The following CHD2 variants were observed in gnomAD, a reference collection of about 807,000 sequenced individuals.
The protein encoded by CHD2 is ATP-dependent chromatin remodeler CHD2.
Under a neutral mutation model 243.9 loss-of-function variants are expected in CHD2, and 28 were observed. The observed-to-expected ratio is 0.11, with a 90% confidence interval of 0.09 to 0.16. The LOEUF (loss-of-function observed/expected upper bound fraction) is 0.16. Among genes scored for constraint, CHD2 ranks in the 10% least tolerant of loss-of-function variants. The pLI is 1.00. For missense variants in CHD2, 1,386 were observed against 2,209.8 expected, an observed-to-expected ratio of 0.63 and a Z score of 7.47; for synonymous variants, 775 against 779.0, an observed-to-expected ratio of 0.99 and a Z score of 0.09.
chr15:92,904,716 T>TA, intron 2 of CHD2: 1 of 1,399,268 alleles, frequency 7.1e-7, no homozygotes, highest in Non-Finnish European at 9.2e-7. Context: ...TTGGAAATCT[T>TA]AAAATAGAAA....
At chr15:92,918,848 T>C (rs1283801444) in intron 2 of CHD2, among the ~76,000 whole-genome samples, 1 of 151,284 alleles carries the variant, frequency 6.6e-6, no homozygotes, top group Non-Finnish European at 1.5e-5. Context: ...CACACATATA[T>C]ATACATACAT....
chr15:92,979,337 T>C lies in CHD2; in HGVS notation c.2876+54T>C, dbSNP rs1296336650. ...CAGAATCAAATTGATTCTACATCAC[T>C]GTTGGATATAATAGGATTTTCTACC... On this transcript the variant is annotated intron_variant, in intron 22 of 38. Transcript: ENST00000394196. The C allele has an allele frequency of 2.5e-6, 4 of 1,585,778 alleles. No individual in the cohort carries two copies. The African/African-American group carries it at 4.0e-5, about 16-fold the overall frequency.
rs2054213458 is a variant in CHD2, at chr15:92,998,644, G to T, written c.4008+23G>T. 6.2e-7 allele frequency: 1 copy of T among 1,607,854 alleles called. No homozygotes were observed. Among genetic ancestry groups the T allele is most frequent in the Middle Eastern group, 2.2e-4 (1 of 4,502 alleles). On this transcript the variant is annotated intron_variant, in intron 31 of 38. Transcript: ENST00000394196. The surrounding 1 kb of genome is among the most constrained non-coding windows in gnomAD (Gnocchi z 5.1). ...GAGGTGAGTACGCTGCCAGCTGGTTGTTTTTCAGGGGCCTGAGGCTCCTAC... is the reference window on the plus strand; with the variant it reads ...GAGGTGAGTACGCTGCCAGCTGGTTTTTTTTCAGGGGCCTGAGGCTCCTAC...
intron 35 of CHD2, among the ~76,000 whole-genome samples, chr15:93,009,872 C>T (rs2054368426): frequency 6.6e-6 from 1 of 152,120 alleles, no homozygotes; most frequent in African/African-American, 2.4e-5. Flanking sequence ...TTTATATAGC[C>T]ACTGAAACTT....
At chr15:92,975,774 A>G (rs1391570349) in intron 20 of CHD2, among the ~76,000 whole-genome samples, 2 of 152,024 alleles carry the variant, frequency 1.3e-5, no homozygotes, top group Non-Finnish European at 2.9e-5. Flanking sequence ...CTGCCTTTAG[A>G]GTGTAGAAAT....
chr15:92,929,145 A>G (rs2053118705), intron 5 of CHD2, 54 bp downstream of exon 5: 1 of 1,523,356 alleles, frequency 6.6e-7, no homozygotes, highest in African/African-American at 1.4e-5. Context: ...ACTTGTCAGC[A>G]TTTCTAGGAC....
At chr15:92,924,595 G>A (rs1301391670) in intron 3 of CHD2, 43 bp downstream of exon 3, 8 of 1,531,794 alleles carry the variant, frequency 5.2e-6, no homozygotes, top group Non-Finnish European at 7.2e-6. Context: ...GCTAGCCTAG[G>A]ACAAGCTAGC....
chr15:92,926,544 T>A (rs1023225316), intron 3 of CHD2, among the ~76,000 whole-genome samples: 10 of 152,230 alleles, frequency 6.6e-5, no homozygotes, highest in Non-Finnish European at 1.5e-4. Context: ...TGAAAATGAT[T>A]TTTCTCCTCA....
intron 9 of CHD2, chr15:92,943,343 A>G (rs544336293): frequency 2.3e-5 from 9 of 387,284 alleles, no homozygotes; most frequent in Admixed American, 8.5e-5. Flanking sequence ...TTGTACTGTT[A>G]TTACCCATTT....
intron 13 of CHD2, among the ~76,000 whole-genome samples, chr15:92,951,803 T>C (rs2053557843): frequency 6.6e-6 from 1 of 152,240 alleles, no homozygotes; most frequent in Non-Finnish European, 1.5e-5. Context: ...TATAGGGGTA[T>C]GGCTTCATCA....
At chr15:92,903,894 G>A (rs2052567644) in intron 2 of CHD2, among the ~76,000 whole-genome samples, 1 of 152,124 alleles carries the variant, frequency 6.6e-6, no homozygotes, top group Admixed American at 6.5e-5. Context: ...AATTTTCAGG[G>A]GCGCTTTACC....
chr15:92,911,163 TGAGA>T (rs2052727367), intron 2 of CHD2, among the ~76,000 whole-genome samples: 1 of 152,214 alleles, frequency 6.6e-6, no homozygotes, highest in East Asian at 1.9e-4. Context: ...GAAATGATTG[TGAGA>T]GATTGTTTCA....
chr15:92,949,616 T>TGG (rs199671818), intron 13 of CHD2, among the ~76,000 whole-genome samples: 1 of 152,036 alleles, frequency 6.6e-6, no homozygotes, highest in Non-Finnish European at 1.5e-5. Context: ...ACGTTAATCT[T>TGG]GGGGGGGTGA....
intron 9 of CHD2, chr15:92,943,432 C>T (rs965417415): frequency 7.7e-6 from 2 of 259,360 alleles, no homozygotes; most frequent in South Asian, 8.7e-5. Flanking sequence ...GAATCCAGAG[C>T]TTATTCTCTT....
chr15:92,934,760 A>G (rs1200504837), intron 5 of CHD2, among the ~76,000 whole-genome samples: 1 of 152,236 alleles, frequency 6.6e-6, no homozygotes, highest in Non-Finnish European at 1.5e-5. Flanking sequence ...TTGAAAATGA[A>G]AAGAAAACGT....
chr15:92,989,877 C>G (rs17610452), intron 26 of CHD2, among the ~76,000 whole-genome samples: 1 of 152,112 alleles, frequency 6.6e-6, no homozygotes, highest in Non-Finnish European at 1.5e-5. Flanking sequence ...CAGGAGCGTG[C>G]GGAAGGACCC....
intron 4 of CHD2, 103 bp from the exon 5 acceptor site, chr15:92,928,927 G>A: frequency 9.5e-7 from 1 of 1,049,214 alleles, no homozygotes. Context: ...AGCTCATATT[G>A]AATAATGGTA....
At chr15:92,917,754 A>G (rs1436264734) in intron 2 of CHD2, among the ~76,000 whole-genome samples, 2 of 152,216 alleles carry the variant, frequency 1.3e-5, no homozygotes, top group Admixed American at 6.5e-5. Flanking sequence ...TGTGGATTGC[A>G]TAATTCAGAC....
Position 92,992,949 on chromosome 15 carries a change from G to T in CHD2, c.3546G>T (p.Val1182=). 2 of 1,614,120 alleles carry T rather than the reference G, an allele frequency of 1.2e-6. No homozygotes were observed. Among genetic ancestry groups the T allele is most frequent in the Non-Finnish European group, 1.7e-6 (2 of 1,180,024 alleles). The part of the protein sequence containing the change: ...RLGELIHNSC[V]SAMQEYEEQL... ...GTGAACTGATCCACAACAGCTGTGT[G>T]TCAGCAATGCAGGAATACGAAGAGC... is the stretch of plus-strand genomic sequence containing the variant. The change falls in exon 28 of 39, where the codon GTG becomes GTT. Residue 1182 remains valine (V), a synonymous_variant. Transcript: ENST00000394196.
Sources: allele counts gnomAD v4.1 joint callset (sites outside exome capture counted in the v4.1 genomes callset), GRCh38; gene constraint gnomAD v4.1.1; non-coding constraint Gnocchi (gnomAD v3.1); transcripts MANE v1.5; gene names NCBI Gene and HGNC (gene_info 2026-07-23, HGNC 2026-07-21).